Variants in TNNT3 observed in about 807,000 individuals in gnomAD.
The protein encoded by TNNT3 is troponin T3, fast skeletal type, also known as troponin T, fast skeletal muscle.
Under a neutral mutation model 54.2 loss-of-function variants are expected in TNNT3, and 36 were observed. The ratio of observed to expected loss-of-function variants is 0.66; its 90% CI spans 0.51 to 0.88. TNNT3 has a LOEUF of 0.88. TNNT3 is among the 40% of genes least tolerant of loss of function. TNNT3 has a pLI of 0.00. For synonymous variants in TNNT3, 120 were observed against 109.7 expected, an observed-to-expected ratio of 1.09 and a Z score of -0.59; for missense variants, 291 against 331.6, an observed-to-expected ratio of 0.88 and a Z score of 0.95.
intron 1 of TNNT3, among the ~76,000 whole-genome samples, chr11:1,922,110 G>A (rs1187018180): frequency 1.3e-5 from 2 of 152,172 alleles, no homozygotes; most frequent in African/African-American, 4.8e-5. Flanking sequence ...GGCCCGGGGG[G>A]GTGCACGGGA....
At position 1,926,726 on chromosome 11, in the gene TNNT3, C is replaced by G. The variant is rs1589920104; in HGVS notation, c.82+17C>G. 6.2e-7 allele frequency: 1 copy of G among 1,613,310 alleles called. No individual in the cohort carries two copies. Among genetic ancestry groups the G allele is most frequent in the Non-Finnish European group, 8.5e-7 (1 of 1,180,038 alleles). On this transcript the variant is annotated intron_variant, in intron 6 of 15. Coordinates refer to ENST00000278317, the MANE Select transcript of TNNT3 (RefSeq NM_006757.4). Reference sequence around the variant, plus strand: ...TTCAAGAAGGTACGCCGGCGCTCCCCCGCCTCCAGGCCAGAGTCTCCGTCC... The same window carrying G: ...TTCAAGAAGGTACGCCGGCGCTCCCGCGCCTCCAGGCCAGAGTCTCCGTCC...
chr11:1,927,566 G>C (rs914149732), intron 6 of TNNT3, among the ~76,000 whole-genome samples: 1 of 152,198 alleles, frequency 6.6e-6, no homozygotes, highest in African/African-American at 2.4e-5. Context: ...CATGCAGGGA[G>C]GTGTCCAGGA....
At chr11:1,933,528 C>A (rs1322435938) in intron 9 of TNNT3, among the ~76,000 whole-genome samples, 193 bp from the exon 10 acceptor site, 1 of 152,210 alleles carries the variant, frequency 6.6e-6, no homozygotes, top group Non-Finnish European at 1.5e-5. Context: ...CACCCTCGGC[C>A]CCTATGAGGA....
Position 1,925,094 on chromosome 11 carries a change from C to T in TNNT3, c.50-5C>T. On this transcript the variant is annotated splice_polypyrimidine_tract_variant and splice_region_variant and intron_variant, in intron 4 of 15. Coordinates refer to ENST00000278317, the MANE Select transcript of TNNT3 (RefSeq NM_006757.4). Reference sequence around the variant, plus strand: ...TCTCCTGCTCCTGGCTTCTCCGGCTCTCAGAGGAAGCCCAGGAGGAAGGTA... The same window carrying T: ...TCTCCTGCTCCTGGCTTCTCCGGCTTTCAGAGGAAGCCCAGGAGGAAGGTA... The T allele has an allele frequency of 6.2e-7, 1 of 1,612,806 alleles. No homozygotes were observed. The highest frequency in any genetic ancestry group is 8.5e-7 in the Non-Finnish European group (1 of 1,179,944).
At chr11:1,932,358 C>T in intron 8 of TNNT3, 111 bp from the exon 9 acceptor site, 1 of 1,015,458 alleles carries the variant, frequency 9.8e-7, no homozygotes, top group Non-Finnish European at 1.6e-6. Context: ...GGCTGGGGGC[C>T]AGAGCAGGAG....
intron 8 of TNNT3, 81 bp downstream of exon 8, chr11:1,929,909 G>T: frequency 1.3e-6 from 2 of 1,520,312 alleles, no homozygotes. Flanking sequence ...GTCCTGGCAG[G>T]CCCAGTGCCG....
At chr11:1,933,907 G>A (rs369387195) in intron 10 of TNNT3, 24 bp from the exon 11 acceptor site, 55 of 1,612,650 alleles carry the variant, frequency 3.4e-5, no homozygotes, top group Middle Eastern at 1.6e-4. Context: ...ACAGGGCTGA[G>A]CAGACCCCCT....
intron 7 of TNNT3, 26 bp downstream of exon 7, chr11:1,929,169 G>C (rs1250874441): frequency 6.2e-7 from 1 of 1,611,956 alleles, no homozygotes; most frequent in Non-Finnish European, 8.5e-7. Flanking sequence ...TGCCGCCGGA[G>C]GTGCAGGACC....
Position 1,936,965 on chromosome 11 carries a change from C to T in TNNT3, c.684C>T (p.Ile228=), listed in dbSNP as rs1855283967. The T allele has an allele frequency of 1.9e-6, 3 of 1,606,170 alleles. No individual in the cohort carries two copies. Among genetic ancestry groups the T allele is most frequent in the Non-Finnish European group, 1.7e-6 (2 of 1,177,698 alleles). ...GEKLKRQKYD[I]TTLRSRIDQA... Reference sequence around the variant, plus strand: ...TGAGTCACTCATGTTGTTCACAGATCACCACGCTCAGGAGCCGCATTGACC... The same window carrying T: ...TGAGTCACTCATGTTGTTCACAGATTACCACGCTCAGGAGCCGCATTGACC... Residue 228 remains isoleucine (I), a splice_region_variant and synonymous_variant, in exon 15 of 16, where the codon ATC becomes ATT. Coordinates refer to ENST00000278317, the MANE Select transcript of TNNT3 (RefSeq NM_006757.4).
chr11:1,938,123 T>C (rs1855698303), intron 15 of TNNT3: 1 of 415,948 alleles, frequency 2.4e-6, no homozygotes, highest in South Asian at 2.1e-5. Flanking sequence ...TAGGATTATA[T>C]CATTATCTGC....
At chr11:1,924,940 T>A in intron 4 of TNNT3, 159 bp from the exon 5 acceptor site, 1 of 773,304 alleles carries the variant, frequency 1.3e-6, no homozygotes, top group South Asian at 1.5e-5. Context: ...GATGCAGGAC[T>A]GAGCCCCATC....
At position 1,929,156 on chromosome 11, in the gene TNNT3, C is replaced by T; in HGVS notation, c.106+13C>T. 2 of 1,612,640 alleles carry T rather than the reference C, an allele frequency of 1.2e-6. No homozygotes were observed. The highest frequency in any genetic ancestry group is 1.7e-6 in the Non-Finnish European group (2 of 1,179,956). On this transcript the variant is annotated intron_variant, in intron 7 of 15. Transcript: ENST00000278317. ...GAGGACGCGGAAGGTAAGGGCCCGTCCCTGCCGCCGGAGGTGCAGGACCCT... is the reference window on the plus strand; with the variant it reads ...GAGGACGCGGAAGGTAAGGGCCCGTTCCTGCCGCCGGAGGTGCAGGACCCT...
At chr11:1,937,835 G>A (rs919321387) in intron 15 of TNNT3, among the ~76,000 whole-genome samples, 1 of 152,218 alleles carries the variant, frequency 6.6e-6, no homozygotes, top group African/African-American at 2.4e-5. Flanking sequence ...GTGTGCATGT[G>A]CCTGCGTGTG....
At chr11:1,937,127 C>T (rs1420180383) in intron 15 of TNNT3, 124 bp downstream of exon 15, 10 of 1,062,498 alleles carry the variant, frequency 9.4e-6, no homozygotes, top group Admixed American at 6.0e-5. Flanking sequence ...GAGACTAACC[C>T]GGCCAGGCCA....
chr11:1,930,558 G>C (rs934486040), intron 8 of TNNT3, among the ~76,000 whole-genome samples: 9 of 152,072 alleles, frequency 5.9e-5, no homozygotes, highest in Admixed American at 4.6e-4. Context: ...CTTTTGATCG[G>C]TATTCACCAG....
At chr11:1,929,013 G>A (rs1250335767) in intron 6 of TNNT3, 107 bp from the exon 7 acceptor site, 1 of 1,296,192 alleles carries the variant, frequency 7.7e-7, no homozygotes, top group Non-Finnish European at 1.1e-6. Context: ...GTGTCCGAGT[G>A]AGAGGGGTGG....
intron 8 of TNNT3, 150 bp downstream of exon 8, chr11:1,929,978 TCGTGTGTTCC>T: frequency 8.9e-7 from 1 of 1,126,528 alleles, no homozygotes; most frequent in Non-Finnish European, 1.3e-6. Flanking sequence ...GCCCAGCGCC[TCGTGTGTTCC>T]GTGGTGGAGG....
intron 5 of TNNT3, among the ~76,000 whole-genome samples, chr11:1,925,644 C>T (rs1213768273): frequency 6.6e-6 from 1 of 152,052 alleles, no homozygotes; most frequent in African/African-American, 2.4e-5. Context: ...GTGGCGTCGA[C>T]CCCTGGGCCT....
intron 6 of TNNT3, chr11:1,927,695 G>C (rs1157353745): frequency 6.6e-6 from 1 of 152,584 alleles, no homozygotes; most frequent in African/African-American, 2.4e-5. Flanking sequence ...CCGCAGGACA[G>C]CTTTTGCCGC....
Sources: allele counts gnomAD v4.1 joint callset (sites outside exome capture counted in the v4.1 genomes callset), GRCh38; gene constraint gnomAD v4.1.1; transcripts MANE v1.5; gene names NCBI Gene and HGNC (gene_info 2026-07-23, HGNC 2026-07-21).